Variants in STXBP5L observed in about 807,000 individuals in gnomAD.
STXBP5L encodes syntaxin binding protein 5L.
Under a neutral mutation model 144.5 loss-of-function variants are expected in STXBP5L, and 65 were observed. The observed-to-expected ratio is 0.45, with a 90% CI of 0.37 to 0.55. The LOEUF is 0.55. Ranked by LOEUF, STXBP5L falls within the 20% of genes least tolerant of loss-of-function variation. The pLI is 0.00. For synonymous variants in STXBP5L, 505 were observed against 469.6 expected, an observed-to-expected ratio of 1.08 and a Z score of -0.97; for missense variants, 1,298 against 1,405.5, an observed-to-expected ratio of 0.92 and a Z score of 1.22.
chr3:121,036,365 A>G (rs1946752794), intron 3 of STXBP5L, among the ~76,000 whole-genome samples: 1 of 152,082 alleles, frequency 6.6e-6, no homozygotes, highest in Non-Finnish European at 1.5e-5. Context: ...CTACAACCTT[A>G]TTATTTGTTT....
At chr3:121,234,966 C>A (rs2049427088) in intron 12 of STXBP5L, among the ~76,000 whole-genome samples, 1 of 151,242 alleles carries the variant, frequency 6.6e-6, no homozygotes, top group African/African-American at 2.4e-5. Context: ...TTATACTTTA[C>A]CTTTCATGCC....
chr3:121,251,099 C>T (rs1029337541), intron 15 of STXBP5L, among the ~76,000 whole-genome samples: 3 of 152,170 alleles, frequency 2.0e-5, no homozygotes, highest in Non-Finnish European at 2.9e-5. Context: ...GTGTGGTCTT[C>T]GCCAAGTGCT....
chr3:121,411,087 CATCTTTTAAT>C (rs2047105220), intron 23 of STXBP5L, among the ~76,000 whole-genome samples: 1 of 152,074 alleles, frequency 6.6e-6, no homozygotes, highest in Non-Finnish European at 1.5e-5. Context: ...TATAACAGAT[CATCTTTTAAT>C]ATCTTTTTAA....
intron 2 of STXBP5L, among the ~76,000 whole-genome samples, chr3:120,953,930 T>C (rs1015663958): frequency 6.6e-6 from 1 of 152,164 alleles, no homozygotes; most frequent in African/African-American, 2.4e-5. Context: ...CTAATTTTTA[T>C]GATGTAGGTT....
intron 5 of STXBP5L, among the ~76,000 whole-genome samples, chr3:121,055,480 G>A (rs1015237840): frequency 7.2e-5 from 11 of 152,062 alleles, no homozygotes; most frequent in Non-Finnish European, 1.6e-4. Flanking sequence ...AGATTGTTAA[G>A]TAATAGGCTT....
At position 121,334,385 on chromosome 3, in the gene STXBP5L, A is replaced by T. The variant is rs906307774; in HGVS notation, c.2176+15845A>T. On this transcript the variant is annotated intron_variant, in intron 20 of 26. Coordinates refer to ENST00000471454, the MANE Select transcript of STXBP5L (RefSeq NM_001308330.2). The stretch of plus-strand genomic sequence containing the variant: ...ATTGAGGAGGAGGGATTTCTCTCCA[A>T]CTCATTTTTTGAGGTCAGCATCATC... 3.3e-5 allele frequency among the ~76,000 whole-genome samples: 5 copies of T among 152,080 alleles called. No individual in the cohort carries two copies. The East Asian group carries it at 9.6e-4, about 29-fold the overall frequency.
intron 3 of STXBP5L, among the ~76,000 whole-genome samples, chr3:120,961,212 C>A (rs941195107): frequency 1.9e-4 from 28 of 147,958 alleles, no homozygotes. Context: ...TTTTTTCCCC[C>A]GTGATACATC....
intron 20 of STXBP5L, among the ~76,000 whole-genome samples, chr3:121,354,881 G>C (rs904851511): frequency 6.6e-6 from 1 of 152,140 alleles, no homozygotes; most frequent in Non-Finnish European, 1.5e-5. Context: ...TTGTAAGGCA[G>C]GCTTGGTGGT....
At chr3:121,312,688 T>C (rs1363002489) in intron 19 of STXBP5L, among the ~76,000 whole-genome samples, 3 of 151,340 alleles carry the variant, frequency 2.0e-5, no homozygotes, top group Non-Finnish European at 4.4e-5. Context: ...CCTTCAAGCA[T>C]CTGTTTAACA....
At chr3:121,102,622 A>T (rs2043489820) in intron 5 of STXBP5L, among the ~76,000 whole-genome samples, 1 of 152,158 alleles carries the variant, frequency 6.6e-6, no homozygotes. Flanking sequence ...GTGAAATATC[A>T]TTCTGGACAT....
At chr3:121,290,265 TATC>T (rs1285578917) in intron 19 of STXBP5L, among the ~76,000 whole-genome samples, 10 of 152,250 alleles carry the variant, frequency 6.6e-5, no homozygotes, top group Admixed American at 5.9e-4. Flanking sequence ...TCAAGACTAC[TATC>T]ATCACCTTTA....
At chr3:121,054,286 G>A (rs1246817643) in intron 5 of STXBP5L, among the ~76,000 whole-genome samples, 1 of 152,120 alleles carries the variant, frequency 6.6e-6, no homozygotes, top group Non-Finnish European at 1.5e-5. Context: ...AAAGACACAT[G>A]TGCACGAATG....
intron 3 of STXBP5L, among the ~76,000 whole-genome samples, chr3:121,033,655 C>CCAATACAT (rs1231559594): frequency 6.6e-6 from 1 of 151,066 alleles, no homozygotes; most frequent in Non-Finnish European, 1.5e-5. Flanking sequence ...TGGTGTTAAA[C>CCAATACAT]CAATACATTA....
intron 20 of STXBP5L, among the ~76,000 whole-genome samples, chr3:121,362,506 GC>G (rs1380341232): frequency 2.0e-5 from 3 of 152,224 alleles, no homozygotes; most frequent in Middle Eastern, 3.4e-3. Context: ...CCACCCCATA[GC>G]CGCCACCACC....
chr3:120,965,030 C>T (rs1001245048), intron 3 of STXBP5L, among the ~76,000 whole-genome samples: 1 of 152,094 alleles, frequency 6.6e-6, no homozygotes. Flanking sequence ...ATGTAATGGC[C>T]TTCTTTGTCT....
chr3:121,096,644 A>G (rs1192756066), intron 5 of STXBP5L, among the ~76,000 whole-genome samples: 1 of 151,660 alleles, frequency 6.6e-6, no homozygotes, highest in Non-Finnish European at 1.5e-5. Flanking sequence ...TACAGACGCT[A>G]TTTGCCTGGG....
At chr3:121,062,214 T>A (rs774175234) in intron 5 of STXBP5L, among the ~76,000 whole-genome samples, 1 of 152,214 alleles carries the variant, frequency 6.6e-6, no homozygotes, top group Non-Finnish European at 1.5e-5. Context: ...CAGCATTTGC[T>A]TGTCTGTAAA....
intron 3 of STXBP5L, among the ~76,000 whole-genome samples, chr3:121,026,693 T>G (rs1401029094): frequency 6.6e-6 from 1 of 151,734 alleles, no homozygotes; most frequent in Non-Finnish European, 1.5e-5. Context: ...ATTCAAGAAA[T>G]TTGACACTGA....
chr3:121,344,500 A>T (rs2108592577), intron 20 of STXBP5L, among the ~76,000 whole-genome samples: 1 of 152,220 alleles, frequency 6.6e-6, no homozygotes, highest in South Asian at 2.1e-4. Context: ...ACAAAAAGAT[A>T]CATGGAGAGG....
Sources: gnomAD v4.1 joint callset for allele counts (sites outside exome capture counted in the v4.1 genomes callset) on GRCh38, gnomAD v4.1.1 for gene constraint, MANE v1.5 for transcripts, NCBI Gene and HGNC (gene_info 2026-07-23, HGNC 2026-07-21) for gene names.